The following DENND1A variants were observed in gnomAD, a reference collection of about 807,000 sequenced individuals.
DENND1A encodes the protein DENN domain containing 1A, also known as DENN domain-containing protein 1A.
A neutral mutation model predicts 113.7 loss-of-function variants in DENND1A; 51 were observed. The observed-to-expected ratio is 0.45, with a 90% CI of 0.36 to 0.57. The LOEUF is 0.57. DENND1A is among the 20% of genes least tolerant of loss of function. DENND1A has a pLI of 0.00. For synonymous variants in DENND1A, 565 were observed against 570.8 expected (o/e 0.99, Z 0.14); for missense variants, 1,258 against 1,395.9 (o/e 0.90, Z 1.57).
intron 5 of DENND1A, among the ~76,000 whole-genome samples, chr9:123,707,639 T>C (rs2066313728): frequency 1.3e-5 from 2 of 152,178 alleles, no homozygotes; most frequent in African/African-American, 4.8e-5. Context: ...AATCACATTT[T>C]TGGTCACTGA....
chr9:123,483,569 A>AC (rs2050533381), intron 13 of DENND1A, among the ~76,000 whole-genome samples: 1 of 152,214 alleles, frequency 6.6e-6, no homozygotes, highest in Admixed American at 6.5e-5. Flanking sequence ...GCATGCACAC[A>AC]CCAAGTCTGC....
intron 5 of DENND1A, among the ~76,000 whole-genome samples, chr9:123,728,467 A>C (rs2067879164): frequency 7.4e-6 from 1 of 134,602 alleles, no homozygotes. Flanking sequence ...ACAATTGCAA[A>C]ACTCTGTCTC....
chr9:123,624,169 T>G (rs571075820), intron 10 of DENND1A, among the ~76,000 whole-genome samples: 1 of 152,346 alleles, frequency 6.6e-6, no homozygotes, highest in Non-Finnish European at 1.5e-5. Context: ...ATCCCCTGCA[T>G]GGGGACATAC....
intron 4 of DENND1A, among the ~76,000 whole-genome samples, chr9:123,760,892 C>CT (rs903229827): frequency 6.6e-5 from 10 of 152,084 alleles, no homozygotes; most frequent in African/African-American, 1.2e-4. Context: ...TAAGGTTGTG[C>CT]TTTTAAGAAA....
chr9:123,609,107 T>G (rs74423571), intron 11 of DENND1A, among the ~76,000 whole-genome samples: 1 of 152,226 alleles, frequency 6.6e-6, no homozygotes, highest in African/African-American at 2.4e-5. Context: ...AATGCAATAT[T>G]GCTATAGCGA....
intron 11 of DENND1A, among the ~76,000 whole-genome samples, chr9:123,593,011 A>G (rs945882846): frequency 2.0e-5 from 3 of 152,244 alleles, no homozygotes; most frequent in Non-Finnish European, 4.4e-5. Flanking sequence ...TAATTCTATA[A>G]TAGAAGTGAC....
intron 1 of DENND1A, among the ~76,000 whole-genome samples, chr9:123,892,035 T>C (rs1375359272): frequency 6.6e-6 from 1 of 152,152 alleles, no homozygotes; most frequent in Non-Finnish European, 1.5e-5. Flanking sequence ...CAGTTGAGTT[T>C]GCAGCACAGA....
intron 2 of DENND1A, among the ~76,000 whole-genome samples, chr9:123,810,883 T>C (rs2799468): frequency 0.26 from 38,772 of 151,640 alleles, 9,054 homozygotes; most frequent in African/African-American, 0.63. Context: ...CTCAGCCTCC[T>C]GAGTAGCTAG....
intron 13 of DENND1A, among the ~76,000 whole-genome samples, chr9:123,495,135 GTCTCTTTCTCTC>G (rs1053214552): frequency 2.8e-5 from 1 of 35,166 alleles, no homozygotes; most frequent in Admixed American, 3.7e-4. Flanking sequence ...ACCCATCATT[GTCTCTTTCTCTC>G]TCTCTCTCTC....
At chr9:123,803,854 T>C (rs1835095219) in intron 2 of DENND1A, among the ~76,000 whole-genome samples, 2 of 152,218 alleles carry the variant, frequency 1.3e-5, no homozygotes, top group African/African-American at 4.8e-5. Flanking sequence ...TCCTACTCTC[T>C]TGGACCCATG....
chr9:123,874,339 A>G (rs571692617), intron 2 of DENND1A, among the ~76,000 whole-genome samples: 1 of 152,320 alleles, frequency 6.6e-6, no homozygotes, highest in South Asian at 2.1e-4. Context: ...GATATCTATA[A>G]CACATATAAC....
At chr9:123,517,382 G>A (rs543878221) in intron 13 of DENND1A, among the ~76,000 whole-genome samples, 67 of 152,278 alleles carry the variant, frequency 4.4e-4, no homozygotes, top group South Asian at 1.0e-3. Flanking sequence ...GCACTCGGGA[G>A]GCCAAGGTGG....
At chr9:123,818,406 T>C (rs938180180) in intron 2 of DENND1A, among the ~76,000 whole-genome samples, 6 of 152,076 alleles carry the variant, frequency 3.9e-5, no homozygotes, top group African/African-American at 9.7e-5. Context: ...ACCTGGCCTA[T>C]AGTATTGTTA....
At chr9:123,745,233 G>A (rs927560845) in intron 5 of DENND1A, among the ~76,000 whole-genome samples, 2 of 152,134 alleles carry the variant, frequency 1.3e-5, no homozygotes, top group African/African-American at 2.4e-5. Flanking sequence ...CCATGCCACC[G>A]TGTAACTCAT....
chr9:123,837,145 TA>T, intron 2 of DENND1A, among the ~76,000 whole-genome samples: 1 of 152,190 alleles, frequency 6.6e-6, no homozygotes, highest in East Asian at 1.9e-4. Flanking sequence ...GGTCAGGATT[TA>T]AACTCCTCCC....
intron 9 of DENND1A, among the ~76,000 whole-genome samples, chr9:123,645,985 T>C (rs2062300890): frequency 3.9e-5 from 6 of 152,196 alleles, no homozygotes; most frequent in Admixed American, 3.9e-4. Flanking sequence ...TCCACAAATA[T>C]TTATCGTGGT....
At chr9:123,762,360 T>C (rs2071112511) in intron 4 of DENND1A, among the ~76,000 whole-genome samples, 1 of 152,216 alleles carries the variant, frequency 6.6e-6, no homozygotes, top group African/African-American at 2.4e-5. Context: ...GCAATAGCTA[T>C]TCAAGCCACA....
chr9:123,463,804 G>C (rs1353023444), intron 13 of DENND1A, among the ~76,000 whole-genome samples: 1 of 151,586 alleles, frequency 6.6e-6, no homozygotes, highest in Non-Finnish European at 1.5e-5. Context: ...AAATACTTGG[G>C]AGGCTGAGGC....
intron 5 of DENND1A, among the ~76,000 whole-genome samples, chr9:123,748,251 A>G (rs1258991486): frequency 2.0e-5 from 3 of 152,218 alleles, no homozygotes; most frequent in African/African-American, 7.2e-5. Flanking sequence ...ATCCCAATTC[A>G]GGGAAGGAAA....
Sources: allele counts gnomAD v4.1 joint callset (sites outside exome capture counted in the v4.1 genomes callset), GRCh38; gene constraint gnomAD v4.1.1; transcripts MANE v1.5; gene names NCBI Gene and HGNC (gene_info 2026-07-23, HGNC 2026-07-21).